Variants in CAB39 observed in about 807,000 individuals in gnomAD.
CAB39 encodes calcium binding protein 39.
CAB39 carries 8 observed loss-of-function variants against 40.0 expected under a neutral mutation model. That is an observed-to-expected ratio of 0.20 (90% confidence interval 0.12 to 0.36). CAB39 has a LOEUF of 0.36. Among genes scored for constraint, CAB39 ranks in the 10% least tolerant of loss-of-function variants. The pLI is 1.00. For synonymous variants in CAB39, 156 were observed against 141.6 expected (o/e 1.10, Z -0.72); for missense variants, 270 against 401.1 (o/e 0.67, Z 2.79).
At chr2:230,761,489 C>T (rs1484375820) in intron 2 of CAB39, among the ~76,000 whole-genome samples, 1 of 151,996 alleles carries the variant, frequency 6.6e-6, no homozygotes, top group African/African-American at 2.4e-5. Context: ...TGTTGTATCA[C>T]TTGTATCTGT....
chr2:230,776,070 T>C (rs1695579980), intron 2 of CAB39, among the ~76,000 whole-genome samples: 1 of 152,070 alleles, frequency 6.6e-6, no homozygotes, highest in African/African-American at 2.4e-5. Context: ...AAACAACCTA[T>C]GGCATGTTCA....
chr2:230,776,706 C>T (rs945944597), intron 2 of CAB39, among the ~76,000 whole-genome samples: 8 of 151,918 alleles, frequency 5.3e-5, no homozygotes, highest in Non-Finnish European at 7.4e-5. Context: ...TTCTTCCCCC[C>T]CCGAGATGGA....
intron 2 of CAB39, among the ~76,000 whole-genome samples, chr2:230,762,207 T>G (rs566511077): frequency 2.2e-4 from 34 of 152,192 alleles, no homozygotes; most frequent in African/African-American, 8.2e-4. Flanking sequence ...CGTGCCCAGC[T>G]GGTAAGTGGT....
At chr2:230,776,971 GC>G (rs1310875661) in intron 2 of CAB39, among the ~76,000 whole-genome samples, 1 of 152,150 alleles carries the variant, frequency 6.6e-6, no homozygotes, top group Non-Finnish European at 1.5e-5. Flanking sequence ...ACAGGCTTGA[GC>G]CACCGCACCT....
intron 1 of CAB39, among the ~76,000 whole-genome samples, chr2:230,728,984 CAAAG>C (rs1312039924): frequency 1.3e-5 from 2 of 152,162 alleles, no homozygotes; most frequent in Admixed American, 6.5e-5. Flanking sequence ...ATGAAATTGT[CAAAG>C]AAGACAAAAC....
At chr2:230,747,040 T>C (rs755518353) in intron 1 of CAB39, among the ~76,000 whole-genome samples, 1 of 152,188 alleles carries the variant, frequency 6.6e-6, no homozygotes, top group African/African-American at 2.4e-5. Context: ...GAGATCTTTA[T>C]GGAGCAGCTG....
chr2:230,728,589 G>A (rs1046478317), intron 1 of CAB39, among the ~76,000 whole-genome samples: 2 of 152,058 alleles, frequency 1.3e-5, no homozygotes, highest in Non-Finnish European at 1.5e-5. Context: ...GGCATGAGCC[G>A]TCGCACCCTG....
At chr2:230,748,831 A>AAAAATATATATATATATAT (rs1386799920) in intron 1 of CAB39, among the ~76,000 whole-genome samples, 1 of 28,510 alleles carries the variant, frequency 3.5e-5, no homozygotes. Flanking sequence ...AAAAAAAAAA[A>AAAAATATATATATATATAT]ATATATATAT....
At chr2:230,756,722 T>A (rs932837709) in intron 1 of CAB39, among the ~76,000 whole-genome samples, 1 of 152,136 alleles carries the variant, frequency 6.6e-6, no homozygotes, top group Non-Finnish European at 1.5e-5. Flanking sequence ...AGACGGAGTT[T>A]CGCTCTGTCG....
chr2:230,814,412 A>G (rs956083407), intron 7 of CAB39, among the ~76,000 whole-genome samples: 3 of 152,106 alleles, frequency 2.0e-5, no homozygotes, highest in Admixed American at 2.0e-4. Flanking sequence ...AGCTAGATGA[A>G]GGCACTCCAG....
intron 1 of CAB39, among the ~76,000 whole-genome samples, chr2:230,748,208 C>T (rs964263508): frequency 1.3e-5 from 2 of 151,890 alleles, no homozygotes; most frequent in Non-Finnish European, 2.9e-5. Flanking sequence ...TACTGCTTCC[C>T]TATGGTGATG....
rs1427179141 is a variant in CAB39, at chr2:230,722,761, T to C, written c.-44+9531T>C. The stretch of plus-strand genomic sequence containing the variant: ...TCTTTCTGCTGTACTATACGTACTT[T>C]GAAAAATATTTTAAGACTTTAGAAG... On this transcript the variant is annotated intron_variant, in intron 1 of 8. Transcript: ENST00000258418. Among the ~76,000 whole-genome samples, 3 of 152,254 alleles carry C rather than the reference T, an allele frequency of 2.0e-5. No homozygotes were observed. The East Asian group carries it at 5.8e-4, about 29-fold the overall frequency.
chr2:230,749,825 C>A (rs920926430), intron 1 of CAB39, among the ~76,000 whole-genome samples: 2 of 152,072 alleles, frequency 1.3e-5, no homozygotes, highest in East Asian at 1.9e-4. Flanking sequence ...AGTGTAATTG[C>A]GGGCTTAGAA....
chr2:230,800,679 G>T (rs750896479), intron 5 of CAB39, among the ~76,000 whole-genome samples: 4 of 152,138 alleles, frequency 2.6e-5, no homozygotes, highest in Non-Finnish European at 5.9e-5. Flanking sequence ...CCACATGAGG[G>T]TGAAGGAAGA....
rs371297550 is a variant in CAB39 at position 230,773,314 on chromosome 2, A to ATATATATGTGTGTGTGTG, written c.114+13200_114+13201insATATATGTGTGTGTGTGT. Among the ~76,000 whole-genome samples, 566 of 132,646 alleles carry ATATATATGTGTGTGTGTG rather than the reference A, an allele frequency of 4.3e-3. 4 individuals carry two copies. The highest frequency in any genetic ancestry group is 0.017 in the African/African-American group (540 of 32,382). The allele number at this position is 132,646 out of a possible 152,430, so 87.0% of individuals were successfully genotyped here. A position where few individuals can be genotyped will look rare whatever the true frequency, so the allele number is the denominator to read the frequency against. On this transcript the variant is annotated intron_variant, in intron 2 of 8. Transcript: ENST00000258418. The stretch of plus-strand genomic sequence containing the variant: ...GGTGTATGTGTATATATATATATAT[A>ATATATATGTGTGTGTGTG]TGTGTGTGTGTGTGTGTGTGTGTGT...
In CAB39 at chr2:230,721,868, T is replaced by TC. The variant is rs528950594; in HGVS notation, c.-44+8645dup. 4.2e-3 allele frequency among the ~76,000 whole-genome samples: 638 copies of TC among 151,904 alleles called. 1 individual carries two copies. The highest frequency in any genetic ancestry group is 6.9e-3 in the Non-Finnish European group (468 of 67,942). The stretch of plus-strand genomic sequence containing the variant: ...TTTATTTGGTCAAAAGAACACACCC[T>TC]CCCCCCCAGGAAATACCCACAAACA... On this transcript the variant is annotated intron_variant, in intron 1 of 8. Transcript: ENST00000258418.
intron 5 of CAB39, 26 bp downstream of exon 5, chr2:230,798,923 T>C (rs1273119720): frequency 1.9e-6 from 3 of 1,555,522 alleles, no homozygotes; most frequent in Non-Finnish European, 2.6e-6. Context: ...GAATTCTAAA[T>C]ATCCTTGAAA....
At chr2:230,727,241 A>G (rs976258049) in intron 1 of CAB39, among the ~76,000 whole-genome samples, 1 of 149,272 alleles carries the variant, frequency 6.7e-6, no homozygotes, top group Non-Finnish European at 1.5e-5. Flanking sequence ...TTAAATATAT[A>G]TAAATTGGAA....
intron 1 of CAB39, among the ~76,000 whole-genome samples, chr2:230,739,566 C>A (rs1419208315): frequency 1.3e-5 from 2 of 152,224 alleles, no homozygotes; most frequent in African/African-American, 4.8e-5. Flanking sequence ...GCGATCTCTG[C>A]TCACCACAAC....
Sources: gnomAD v4.1 joint callset for allele counts (sites outside exome capture counted in the v4.1 genomes callset) on GRCh38, gnomAD v4.1.1 for gene constraint, MANE v1.5 for transcripts, NCBI Gene and HGNC (gene_info 2026-07-23, HGNC 2026-07-21) for gene names.